CHST11: variants seen among roughly 807,000 people sequenced by gnomAD.
CHST11 encodes C4S-1.
CHST11 carries 9 observed loss-of-function variants against 30.4 expected under a neutral mutation model. The observed-to-expected ratio is 0.30, with a 90% CI of 0.18 to 0.52. CHST11 has a LOEUF of 0.52. Ranked by LOEUF, CHST11 falls within the 20% of genes least tolerant of loss-of-function variation. The pLI is 0.97. For missense variants in CHST11, 348 were observed against 460.6 expected (o/e 0.76, Z 2.24); for synonymous variants, 152 against 187.8 (o/e 0.81, Z 1.56).
chr12:104,633,030 G>A (rs779115651), intron 2 of CHST11, among the ~76,000 whole-genome samples: 5 of 152,230 alleles, frequency 3.3e-5, no homozygotes. Context: ...ATTTTTCAGA[G>A]CATGCTCATG....
At position 104,705,351 on chromosome 12, in the gene CHST11, G is replaced by C. The variant is rs149024065; in HGVS notation, c.205-51598G>C. ...GTTTTATTATCTCTAGAATGGGAAT[G>C]ATAGTAACCACTTTGCAGGGTTTCT... On this transcript the variant is annotated intron_variant, in intron 2 of 2. Transcript: ENST00000303694. 7.2e-5 allele frequency among the ~76,000 whole-genome samples: 11 copies of C among 152,310 alleles called. No homozygotes were observed. The East Asian group carries it at 2.1e-3, about 29-fold the overall frequency.
chr12:104,616,756 G>T (rs2039111635), intron 2 of CHST11, among the ~76,000 whole-genome samples: 1 of 152,186 alleles, frequency 6.6e-6, no homozygotes. Context: ...GAGCCACTGT[G>T]CCCGGCCAGG....
intron 1 of CHST11, among the ~76,000 whole-genome samples, chr12:104,476,676 A>C (rs972307909): frequency 1.3e-5 from 2 of 152,088 alleles, no homozygotes; most frequent in East Asian, 3.8e-4. Flanking sequence ...GCTCTTGATA[A>C]GTGTAACCAA....
intron 2 of CHST11, among the ~76,000 whole-genome samples, chr12:104,709,805 G>T (rs1008083110): frequency 3.3e-5 from 5 of 152,168 alleles, no homozygotes; most frequent in African/African-American, 9.7e-5. Context: ...TGGGTACAAG[G>T]TTTCTTTTTG....
chr12:104,682,516 A>G (rs575199993), intron 2 of CHST11, among the ~76,000 whole-genome samples: 53 of 152,350 alleles, frequency 3.5e-4, no homozygotes, highest in African/African-American at 1.2e-3. Context: ...GCCATCGGAC[A>G]CAAGTGGATC....
At chr12:104,544,930 T>C (rs368891031) in intron 1 of CHST11, among the ~76,000 whole-genome samples, 4 of 152,124 alleles carry the variant, frequency 2.6e-5, no homozygotes, top group African/African-American at 9.7e-5. Flanking sequence ...TGCCATTGTT[T>C]TGTCCTGCAG....
intron 2 of CHST11, among the ~76,000 whole-genome samples, chr12:104,736,267 G>A (rs2040300340): frequency 6.6e-6 from 1 of 152,148 alleles, no homozygotes; most frequent in East Asian, 1.9e-4. Context: ...AGAAGGAACA[G>A]GACATTCACT....
At chr12:104,532,153 A>G (rs1332826849) in intron 1 of CHST11, among the ~76,000 whole-genome samples, 1 of 152,054 alleles carries the variant, frequency 6.6e-6, no homozygotes, top group Non-Finnish European at 1.5e-5. Flanking sequence ...ATCGGCTTTC[A>G]TGTCCCTGTC....
intron 2 of CHST11, among the ~76,000 whole-genome samples, chr12:104,631,775 C>A (rs2039272677): frequency 6.6e-6 from 1 of 152,186 alleles, no homozygotes; most frequent in South Asian, 2.1e-4. Context: ...AATTTTAAAA[C>A]AACAGTGACA....
intron 2 of CHST11, among the ~76,000 whole-genome samples, chr12:104,710,955 A>G (rs79637479): frequency 0.051 from 7,764 of 152,264 alleles, 584 homozygotes; most frequent in East Asian, 0.3. Flanking sequence ...TTCACCAGCT[A>G]TTAGCCTCTA....
intron 1 of CHST11, chr12:104,514,489 T>C: frequency 1.4e-6 from 1 of 694,990 alleles, no homozygotes; most frequent in Non-Finnish European, 2.6e-6. Context: ...CTCCATACCA[T>C]TACTGGTGCT....
At chr12:104,726,904 G>A (rs2040221170) in intron 2 of CHST11, among the ~76,000 whole-genome samples, 1 of 152,066 alleles carries the variant, frequency 6.6e-6, no homozygotes, top group Non-Finnish European at 1.5e-5. Context: ...TAGGATGTAG[G>A]GCAGATAAAT....
At chr12:104,522,397 A>G (rs921109384) in intron 1 of CHST11, among the ~76,000 whole-genome samples, 1 of 152,196 alleles carries the variant, frequency 6.6e-6, no homozygotes, top group South Asian at 2.1e-4. Flanking sequence ...CGTGTTTGGC[A>G]TTTAGTGGGT....
intron 1 of CHST11, among the ~76,000 whole-genome samples, chr12:104,469,697 G>A (rs1309713813): frequency 6.6e-6 from 1 of 152,166 alleles, no homozygotes; most frequent in East Asian, 1.9e-4. Flanking sequence ...TTGCTCTGTG[G>A]CTGGCATTTG....
At chr12:104,655,611 A>G (rs2039536867) in intron 2 of CHST11, among the ~76,000 whole-genome samples, 1 of 152,252 alleles carries the variant, frequency 6.6e-6, no homozygotes, top group African/African-American at 2.4e-5. Context: ...CTTGTTGCTC[A>G]GAAAGATATA....
intron 1 of CHST11, among the ~76,000 whole-genome samples, chr12:104,507,636 G>A (rs1007520888): frequency 3.9e-5 from 6 of 152,204 alleles, no homozygotes; most frequent in African/African-American, 1.4e-4. Context: ...GCTGGCCAGA[G>A]GGCTTTGCTG....
intron 2 of CHST11, among the ~76,000 whole-genome samples, chr12:104,604,684 G>A (rs1003664754): frequency 2.6e-5 from 4 of 152,304 alleles, no homozygotes; most frequent in Admixed American, 1.3e-4. Flanking sequence ...CCGGAATGAT[G>A]TTATCACTGA....
At chr12:104,722,000 T>C (rs915774918) in intron 2 of CHST11, among the ~76,000 whole-genome samples, 6 of 151,744 alleles carry the variant, frequency 4.0e-5, no homozygotes, top group African/African-American at 1.5e-4. Context: ...TTTTGGGGGG[T>C]TTTTTTGAGA....
intron 1 of CHST11, among the ~76,000 whole-genome samples, chr12:104,496,598 A>C (rs74574067): frequency 0.023 from 3,505 of 152,338 alleles, 128 homozygotes; most frequent in African/African-American, 0.079. Context: ...GCACAGGGCC[A>C]TTCTAACAGG....
Sources: allele counts gnomAD v4.1 joint callset (sites outside exome capture counted in the v4.1 genomes callset), GRCh38; gene constraint gnomAD v4.1.1; transcripts MANE v1.5; gene names NCBI Gene and HGNC (gene_info 2026-07-23, HGNC 2026-07-21).